Variants in BBOF1 observed in about 807,000 individuals in gnomAD.
BBOF1 encodes basal body-orientation factor 1.
In BBOF1, 62 loss-of-function variants were observed where a neutral mutation model predicts 68.0. The ratio of observed to expected loss-of-function variants is 0.91; its 90% CI spans 0.74 to 1.13. The LOEUF (loss-of-function observed/expected upper bound fraction) is 1.13, where lower values mean the gene tolerates loss of function less well. Ranked by LOEUF, BBOF1 falls within the 50% of genes most tolerant of loss-of-function variation. The pLI, the probability that BBOF1 is intolerant of heterozygous loss-of-function variation, is 0.00. For synonymous variants in BBOF1, 208 were observed against 198.8 expected (o/e 1.05, Z -0.39); for missense variants, 534 against 600.1 (o/e 0.89, Z 1.15).
rs1595125550 is a variant in BBOF1, at chr14:74,071,749, A to G, written n.1380-6447A>G. ...AGTAAATCAGTCTTAGGGATACTGA[A>G]TACTGCCATTTTTCACAAGTATTAA... On this transcript the variant is annotated intron_variant and non_coding_transcript_variant, in intron 9 of 12. Transcript: ENST00000492026. 5.5e-6 allele frequency: 8 copies of G among 1,442,852 alleles called. No individual in the cohort carries two copies. In the East Asian group the frequency reaches 1.9e-4, roughly 34 times the overall value. The allele number at this position is 1,442,852 out of a possible 1,614,324, so 89.4% of individuals were successfully genotyped here.
rs530583656 is a variant in BBOF1, at chr14:74,074,408, C to T, written n.1380-3788C>T. Among the ~76,000 whole-genome samples the T allele has an allele frequency of 7.2e-5, 11 of 151,898 alleles. No individual in the cohort carries two copies. In the East Asian group the frequency reaches 1.7e-3, roughly 24 times the overall value. ...TTCAAGCGATTCTCCTGCCTCAGCC[C>T]GCAGAGTAGCTGGGACTACAGGTGC... On this transcript the variant is annotated intron_variant and non_coding_transcript_variant, in intron 9 of 12. Coordinates refer to the BBOF1 transcript ENST00000492026.
rs1319222839 is a variant in BBOF1, at chr14:74,051,050, C to T, written c.1286+855C>T. On this transcript the variant is annotated intron_variant, in intron 8 of 11. Coordinates refer to ENST00000394009, the MANE Select transcript of BBOF1 (RefSeq NM_025057.3). ...CCTGAGGTCAGGAGTTCGAGACCAG[C>T]CTGACCAACATGGTGAAACCCTGTC... Among the ~76,000 whole-genome samples the T allele has an allele frequency of 2.0e-5, 3 of 152,114 alleles. No homozygotes were observed. The East Asian group carries it at 5.8e-4, about 29-fold the overall frequency.
downstream of BBOF1, among the ~76,000 whole-genome samples, chr14:74,068,672 G>A (rs1381467905): frequency 2.6e-5 from 4 of 152,044 alleles, no homozygotes; most frequent in African/African-American, 9.7e-5. Context: ...GAACCCGGGA[G>A]GCAGAGGTTG....
In BBOF1 at chr14:74,035,584, A is replaced by ATTTTTT. The variant is rs71460945; in HGVS notation, c.495+1436_495+1441dup. On this transcript the variant is annotated intron_variant, in intron 4 of 11. Transcript: ENST00000394009. ...AGGCGTGCACCACCACCCCCAGCTAATTTTTTTTTTTTTTTTTTTTTTTTT... is the reference window on the plus strand; with the variant it reads ...AGGCGTGCACCACCACCCCCAGCTAATTTTTTTTTTTTTTTTTTTTTTTTTTTTTTT... Among the ~76,000 whole-genome samples the ATTTTTT allele has an allele frequency of 2.9e-3, 240 of 81,380 alleles. 17 individuals carry two copies. The highest frequency in any genetic ancestry group is 3.9e-3 in the Non-Finnish European group (182 of 46,956). The allele number at this position is 81,380 out of a possible 152,430, so 53.4% of individuals were successfully genotyped here. A position where few individuals can be genotyped will look rare whatever the true frequency, so the allele number is the denominator to read the frequency against.
chr14:74,080,051 C>CAAAAAA lies in BBOF1; in HGVS notation n.1537-1016_1537-1015insAAAAAA, dbSNP rs2060655854. Among the ~76,000 whole-genome samples the CAAAAAA allele has an allele frequency of 2.8e-4, 41 of 148,950 alleles. 1 individual carries two copies. Among genetic ancestry groups the CAAAAAA allele is most frequent in the Admixed American group, 2.2e-3 (34 of 15,164 alleles). ...AGACCCTATCTTAAAAAAACAAAAA[C>CAAAAAA]CAAAAAACAAAAGCAAAAGCTAAAC... On this transcript the variant is annotated intron_variant and non_coding_transcript_variant, in intron 10 of 12. Coordinates refer to the BBOF1 transcript ENST00000492026.
At position 74,066,017 on chromosome 14, in the gene BBOF1, C is replaced by G. The variant is rs2060457558; in HGVS notation, c.*1318C>G. 1 of 154,424 alleles carries G rather than the reference C, an allele frequency of 6.5e-6. No homozygotes were observed. Among genetic ancestry groups the G allele is most frequent in the Non-Finnish European group, 1.4e-5 (1 of 69,238 alleles). The allele number at this position is 154,424 out of a possible 1,614,324, so 9.6% of individuals were successfully genotyped here. On this transcript the variant is annotated 3_prime_UTR_variant, in exon 12 of 12. Coordinates refer to ENST00000394009, the MANE Select transcript of BBOF1 (RefSeq NM_025057.3). ...AAGGATATATGAATTTCAAAAAATG[C>G]CTCATAACCTCAATTTTTAAGTCAT... is the stretch of plus-strand genomic sequence containing the variant.
rs111824463 is a variant in BBOF1, at chr14:74,071,832, C to A, written n.1380-6364C>A. On this transcript the variant is annotated intron_variant and non_coding_transcript_variant, in intron 9 of 12. Coordinates refer to the BBOF1 transcript ENST00000492026. ...AAGGAAGAAGCAACCTCCCATTCTG[C>A]GATCTTTGCCTCCCATCTTCCTTTG... is the stretch of plus-strand genomic sequence containing the variant. 3.2e-6 allele frequency: 5 copies of A among 1,562,800 alleles called. No homozygotes were observed. In the Admixed American group the frequency reaches 8.3e-5, roughly 26 times the overall value.
At chr14:74,037,276 T>G (rs2059727688) in intron 4 of BBOF1, among the ~76,000 whole-genome samples, 2 of 88,370 alleles carry the variant, frequency 2.3e-5, no homozygotes, top group South Asian at 9.6e-4. Flanking sequence ...CCTGGCCTCT[T>G]TTTTTTTTTT....
intron 2 of BBOF1, among the ~76,000 whole-genome samples, chr14:74,026,028 C>A (rs1435338818): frequency 6.6e-6 from 1 of 151,670 alleles, no homozygotes; most frequent in Non-Finnish European, 1.5e-5. Context: ...GCAGTCCCAG[C>A]TGCTTGGGAG....
At position 74,060,772 on chromosome 14, in the gene BBOF1, C is replaced by T. The variant is rs1185279145; in HGVS notation, c.1578+3514C>T. 5 of 1,505,728 alleles carry T rather than the reference C, an allele frequency of 3.3e-6. No homozygotes were observed. In the South Asian group the frequency reaches 5.6e-5, roughly 17 times the overall value. 93.3% of individuals were successfully genotyped at this position (1,505,728 alleles called of 1,614,324 possible). A position where few individuals can be genotyped will look rare whatever the true frequency, so the allele number is the denominator to read the frequency against. On this transcript the variant is annotated intron_variant, in intron 11 of 11. Transcript: ENST00000394009. ...CTAAGGAAAACAGAAAAAAAGTTAG[C>T]ATATATTTCTGGGGTTTCATGATTC...
intron 8 of BBOF1, among the ~76,000 whole-genome samples, chr14:74,054,069 A>AG (rs2060128345): frequency 6.6e-6 from 1 of 151,682 alleles, no homozygotes; most frequent in Non-Finnish European, 1.5e-5. Flanking sequence ...GTAGAGACAG[A>AG]GTTTCACCAT....
chr14:74,067,502 C>T (rs1272412729), downstream of BBOF1: 6 of 1,614,126 alleles, frequency 3.7e-6, no homozygotes, highest in Non-Finnish European at 5.1e-6. Context: ...AAATGCTGCC[C>T]CAACCAGCTG....
At chr14:74,079,397 C>A (rs2060647692) in intron 10 of BBOF1, among the ~76,000 whole-genome samples, 1 of 151,890 alleles carries the variant, frequency 6.6e-6, no homozygotes, top group South Asian at 2.1e-4. Context: ...CAGGCATATG[C>A]CACCACACCC....
At chr14:74,050,580 A>G (rs1048203894) in intron 8 of BBOF1, among the ~76,000 whole-genome samples, 3 of 152,104 alleles carry the variant, frequency 2.0e-5, no homozygotes, top group African/African-American at 7.2e-5. Context: ...GTTTTTTTAA[A>G]GGCAGGGTCT....
At chr14:74,029,564 C>T (rs1268027546) in intron 3 of BBOF1, among the ~76,000 whole-genome samples, 1 of 151,964 alleles carries the variant, frequency 6.6e-6, no homozygotes, top group Non-Finnish European at 1.5e-5. Flanking sequence ...TGCTTATAAT[C>T]CCAGCTACTC....
At chr14:74,043,698 A>C (rs1445359301) in intron 5 of BBOF1, among the ~76,000 whole-genome samples, 1 of 149,266 alleles carries the variant, frequency 6.7e-6, no homozygotes, top group African/African-American at 2.5e-5. Context: ...CTGAGTAGCT[A>C]ATTTTTGTAT....
At chr14:74,024,161 T>G (rs1486891133) in intron 2 of BBOF1, among the ~76,000 whole-genome samples, 1 of 152,094 alleles carries the variant, frequency 6.6e-6, no homozygotes, top group Non-Finnish European at 1.5e-5. Flanking sequence ...TAGTGGGTGT[T>G]AAAAGTGGAA....
At chr14:74,070,479 A>T (rs1227827417), downstream of BBOF1, among the ~76,000 whole-genome samples, 1 of 152,170 alleles carries the variant, frequency 6.6e-6, no homozygotes, top group African/African-American at 2.4e-5. Context: ...AGATCGCACC[A>T]CTGCTCTCCA....
Position 74,079,239 on chromosome 14 carries a change from G to A in BBOF1, n.1536+887G>A, listed in dbSNP as rs547804783. Among the ~76,000 whole-genome samples, 12 of 151,646 alleles carry A rather than the reference G, an allele frequency of 7.9e-5. 1 individual carries two copies. The highest frequency in any genetic ancestry group is 2.9e-4 in the African/African-American group (12 of 41,038). ...CGCCTGTAATCCCAGCACTTTGGGA[G>A]GCTGAGGTGGGAAGATCACTTGCGT... On this transcript the variant is annotated intron_variant and non_coding_transcript_variant, in intron 10 of 12. Transcript: ENST00000492026.
Sources: gnomAD v4.1 joint callset for allele counts (sites outside exome capture counted in the v4.1 genomes callset) on GRCh38, gnomAD v4.1.1 for gene constraint, MANE v1.5 for transcripts, NCBI Gene and HGNC (gene_info 2026-07-23, HGNC 2026-07-21) for gene names.